Variants in LIN52 observed in about 807,000 individuals in gnomAD.
LIN52 encodes protein lin-52 homolog.
A neutral mutation model predicts 18.5 loss-of-function variants in LIN52; 4 were observed. That is an observed-to-expected ratio of 0.22 (90% CI 0.11 to 0.49). The LOEUF (loss-of-function observed/expected upper bound fraction) is 0.49, where lower values mean the gene tolerates loss of function less well. LIN52 is among the 20% of genes least tolerant of loss of function. LIN52 has a pLI of 0.97. For synonymous variants in LIN52, 34 were observed against 45.5 expected (o/e 0.75, Z 1.02); for missense variants, 102 against 139.5 (o/e 0.73, Z 1.35).
chr14:74,129,485 G>A (rs2061048532), intron 5 of LIN52, among the ~76,000 whole-genome samples: 1 of 152,132 alleles, frequency 6.6e-6, no homozygotes, highest in Non-Finnish European at 1.5e-5. Context: ...GATAGATGAA[G>A]ATCAGGTTTG....
At chr14:74,100,159 A>G (rs1348039050) in intron 4 of LIN52, among the ~76,000 whole-genome samples, 1 of 152,224 alleles carries the variant, frequency 6.6e-6, no homozygotes. Flanking sequence ...AACAGTGGAG[A>G]CAGTGTCCAT....
intron 5 of LIN52, among the ~76,000 whole-genome samples, chr14:74,184,320 G>A (rs2061332033): frequency 6.6e-6 from 1 of 152,208 alleles, no homozygotes; most frequent in Admixed American, 6.5e-5. Flanking sequence ...ACCCACCTTG[G>A]CTTCCCAAGT....
At chr14:74,143,048 T>C (rs773435734) in intron 5 of LIN52, among the ~76,000 whole-genome samples, 7 of 151,778 alleles carry the variant, frequency 4.6e-5, no homozygotes, top group Non-Finnish European at 8.8e-5. Context: ...AGATAGACTA[T>C]GGAATGAGTC....
chr14:74,172,744 G>A (rs1205655214), intron 5 of LIN52, among the ~76,000 whole-genome samples: 2 of 152,272 alleles, frequency 1.3e-5, no homozygotes, highest in African/African-American at 2.4e-5. Flanking sequence ...AATAAAATAC[G>A]AATGTAGTTA....
intron 5 of LIN52, among the ~76,000 whole-genome samples, chr14:74,139,308 C>T (rs2061116055): frequency 6.6e-6 from 1 of 152,210 alleles, no homozygotes; most frequent in East Asian, 1.9e-4. Context: ...TTGGAATAGG[C>T]AGCCAATATT....
In LIN52 at chr14:74,188,671, C is replaced by T. The variant is rs10129575; in HGVS notation, c.284-10251C>T. ...TGTTCTGGTGGCTTCATTCCTTTGA[C>T]GGGAAAGATTTGGCTCTGGGTGCTA... On this transcript the variant is annotated intron_variant, in intron 5 of 5. Coordinates refer to ENST00000555028, the MANE Select transcript of LIN52 (RefSeq NM_001024674.3). 7.2e-3 allele frequency among the ~76,000 whole-genome samples: 1,092 copies of T among 151,946 alleles called. 14 individuals are homozygous for T. The highest frequency in any genetic ancestry group is 0.025 in the African/African-American group (1,036 of 41,406).
chr14:74,100,722 C>T lies in LIN52; in HGVS notation c.200-433C>T, dbSNP rs376672421. Reference sequence around the variant, plus strand: ...AACCCCTGACCTCGGGTGATCTGCCCGCCTTGGCCTCCCAAAGTGCTAGGA... The same window carrying T: ...AACCCCTGACCTCGGGTGATCTGCCTGCCTTGGCCTCCCAAAGTGCTAGGA... On this transcript the variant is annotated intron_variant, in intron 4 of 5. Coordinates refer to ENST00000555028, the MANE Select transcript of LIN52 (RefSeq NM_001024674.3). Among the ~76,000 whole-genome samples the T allele has an allele frequency of 1.6e-4, 25 of 152,190 alleles. No individual in the cohort carries two copies. The East Asian group carries it at 3.7e-3, about 22-fold the overall frequency.
chr14:74,090,961 T>A (rs1018334510), intron 1 of LIN52, among the ~76,000 whole-genome samples: 2 of 152,058 alleles, frequency 1.3e-5, no homozygotes, highest in African/African-American at 4.8e-5. Context: ...AGCACAAGAG[T>A]ATGAATGAAG....
At chr14:74,170,506 C>CA (rs57293533) in intron 5 of LIN52, among the ~76,000 whole-genome samples, 23 of 149,706 alleles carry the variant, frequency 1.5e-4, no homozygotes, top group East Asian at 1.4e-3. Context: ...TTACCAACCT[C>CA]AAAAAAAAAA....
intron 5 of LIN52, among the ~76,000 whole-genome samples, chr14:74,137,626 G>A (rs756335879): frequency 6.6e-6 from 1 of 151,190 alleles, no homozygotes; most frequent in African/African-American, 2.4e-5. Context: ...AGCCTCCCGA[G>A]TAGCTGGGAT....
chr14:74,150,110 A>G (rs941824331), intron 5 of LIN52, among the ~76,000 whole-genome samples: 2 of 152,200 alleles, frequency 1.3e-5, no homozygotes, highest in African/African-American at 4.8e-5. Context: ...GGTATCTACT[A>G]AAACTGATCA....
At chr14:74,160,476 C>A (rs547864864) in intron 5 of LIN52, among the ~76,000 whole-genome samples, 1 of 152,142 alleles carries the variant, frequency 6.6e-6, no homozygotes, top group Non-Finnish European at 1.5e-5. Context: ...TAATTTTTCA[C>A]TATTTTATGT....
chr14:74,163,050 C>G (rs1297662534), intron 5 of LIN52, among the ~76,000 whole-genome samples: 2 of 152,094 alleles, frequency 1.3e-5, no homozygotes, highest in African/African-American at 4.8e-5. Flanking sequence ...AACAGGTAGG[C>G]ACTTACCCTT....
At chr14:74,193,842 C>A (rs2078895293) in intron 5 of LIN52, among the ~76,000 whole-genome samples, 1 of 152,090 alleles carries the variant, frequency 6.6e-6, no homozygotes. Flanking sequence ...ATATTACAAT[C>A]TCCTAAAAGC....
intron 5 of LIN52, among the ~76,000 whole-genome samples, chr14:74,105,097 GAAT>G (rs1354655443): frequency 6.6e-6 from 1 of 152,102 alleles, no homozygotes; most frequent in East Asian, 1.9e-4. Context: ...TTAGTTTTCA[GAAT>G]AATGAGTTTG....
chr14:74,143,977 C>T (rs56353824), intron 5 of LIN52, among the ~76,000 whole-genome samples: 295 of 152,002 alleles, frequency 1.9e-3, no homozygotes, highest in Admixed American at 4.1e-3. Context: ...CACTCTGCTT[C>T]TATGATCTCA....
At chr14:74,141,079 C>G (rs537294828) in intron 5 of LIN52, among the ~76,000 whole-genome samples, 1 of 152,262 alleles carries the variant, frequency 6.6e-6, no homozygotes, top group South Asian at 2.1e-4. Flanking sequence ...GAGGAAACCA[C>G]TGTAAAGATC....
intron 5 of LIN52, among the ~76,000 whole-genome samples, chr14:74,118,598 AT>A (rs1274313968): frequency 6.6e-6 from 1 of 151,910 alleles, no homozygotes; most frequent in Non-Finnish European, 1.5e-5. Context: ...ACATGATAAA[AT>A]CCAGTGTCTA....
chr14:74,176,710 T>C (rs1265752485), intron 5 of LIN52, among the ~76,000 whole-genome samples: 1 of 152,184 alleles, frequency 6.6e-6, no homozygotes, highest in Non-Finnish European at 1.5e-5. Flanking sequence ...ATGTATGTGG[T>C]TCATTGTTGG....
Sources: allele counts gnomAD v4.1 joint callset (sites outside exome capture counted in the v4.1 genomes callset), GRCh38; gene constraint gnomAD v4.1.1; transcripts MANE v1.5; gene names NCBI Gene and HGNC (gene_info 2026-07-23, HGNC 2026-07-21).